The following MYO1C variants were observed in gnomAD, a reference collection of about 807,000 sequenced individuals.
MYO1C encodes myosin IC.
MYO1C carries 104 observed loss-of-function variants against 150.8 expected under a neutral mutation model. The ratio of observed to expected loss-of-function variants is 0.69; its 90% CI spans 0.59 to 0.81. The LOEUF (loss-of-function observed/expected upper bound fraction) is 0.81, where lower values mean the gene tolerates loss of function less well. MYO1C is among the 30% of genes least tolerant of loss of function. MYO1C has a pLI of 0.00. For synonymous variants in MYO1C, 663 were observed against 579.9 expected (o/e 1.14, Z -2.06); for missense variants, 1,504 against 1,435.0 (o/e 1.05, Z -0.78).
chr17:1,484,419 A>G, intron 1 of MYO1C, 116 bp from the exon 2 acceptor site: 1 of 1,280,366 alleles, frequency 7.8e-7, no homozygotes, highest in East Asian at 2.5e-5. Context: ...CGGGCTAGAC[A>G]CGGGACATGA....
At position 1,478,053 on chromosome 17, in the gene MYO1C, G is replaced by A. The variant is rs767185630; in HGVS notation, c.1401+34C>T. 1.9e-6 allele frequency: 3 copies of A among 1,612,808 alleles called. No individual in the cohort carries two copies. In the South Asian group the frequency reaches 3.3e-5, roughly 18 times the overall value. Reference sequence around the variant, plus strand: ...GGGCCCCGATACCCAGGCTCCCCGTGGCCCACGGAGAGTGCCCCCAGGCTA... The same window carrying A: ...GGGCCCCGATACCCAGGCTCCCCGTAGCCCACGGAGAGTGCCCCCAGGCTA... On this transcript the variant is annotated intron_variant, in intron 12 of 31. Transcript: ENST00000648651. The surrounding 1 kb of genome is among the most constrained non-coding windows in gnomAD (Gnocchi z 6.3).
At chr17:1,484,078 G>T in intron 2 of MYO1C, 70 bp downstream of exon 2, 1 of 1,560,180 alleles carries the variant, frequency 6.4e-7, no homozygotes, top group Non-Finnish European at 8.8e-7. Context: ...GACCCTTGGT[G>T]TCTCTTTCCC....
rs757326792 is a variant in MYO1C, at chr17:1,468,259, G to A, written c.2754C>T (p.Pro918=). The change falls in exon 27 of 32, where the codon CCC becomes CCT. Residue 918 remains proline, a synonymous_variant. Transcript: ENST00000648651. ...PRVLQALGSE[P]IQYAVPVVKY... is the part of the protein sequence containing the mutation. ...GCTGCAGGCAGGCTCTTACCTGAAT[G>A]GGCTCAGAGCCCAAGGCCTGCAGCA... 5.6e-6 allele frequency: 9 copies of A among 1,613,492 alleles called. No homozygotes were observed. Among genetic ancestry groups the A allele is most frequent in the African/African-American group, 1.3e-5 (1 of 74,908 alleles).
rs898317638 is a variant in MYO1C at position 1,465,298 on chromosome 17, C to T, written c.*428G>A. On this transcript the variant is annotated 3_prime_UTR_variant, in exon 32 of 32. Transcript: ENST00000648651. ...CTGGCCAGGGAAGAGGGCACCAGAG[C>T]CCAGCCCACACAACCTCTCGGCTAC... is the stretch of plus-strand genomic sequence containing the variant. 2.6e-5 allele frequency: 4 copies of T among 155,576 alleles called. No individual in the cohort carries two copies. The highest frequency in any genetic ancestry group is 9.6e-5 in the African/African-American group (4 of 41,570). The allele number at this position is 155,576 out of a possible 1,614,324, so 9.6% of individuals were successfully genotyped here.
chr17:1,470,345 G>A lies in MYO1C; in HGVS notation c.2367-11C>T, dbSNP rs2074275255. ...AAGCCTCGGATGAGCCTGGGGTGGG[G>A]GGCCAGACAGGGTTGGGGGTGAGGG... On this transcript the variant is annotated splice_polypyrimidine_tract_variant and intron_variant, in intron 23 of 31. Transcript: ENST00000648651. The A allele has an allele frequency of 1.3e-6, 2 of 1,534,214 alleles. No homozygotes were observed. The highest frequency in any genetic ancestry group is 4.9e-5 in the East Asian group (2 of 40,874).
chr17:1,482,328 T>C, intron 5 of MYO1C, 150 bp downstream of exon 5: 1 of 754,976 alleles, frequency 1.3e-6, no homozygotes, highest in Non-Finnish European at 2.4e-6. Flanking sequence ...TCCCTGTTTA[T>C]TGTTTATCAC....
chr17:1,470,282 A>C lies in MYO1C; in HGVS notation c.2419T>G (p.Phe807Val). 6.3e-7 allele frequency: 1 copy of C among 1,576,278 alleles called. No individual in the cohort carries two copies. The highest frequency in any genetic ancestry group is 8.6e-7 in the Non-Finnish European group (1 of 1,165,682). ...GAGGTGCGCACATGGTCCAGGAAGA[A>C]GGCGTTCTCGGGGCAGCGGGGGGCG... The part of the protein sequence containing the change: ...RHAPRCPENA[F>V]FLDHVRTSFL... The change falls in exon 24 of 32, where the codon TTC becomes GTC. Residue 807 changes from phenylalanine to valine, a missense_variant. Coordinates refer to ENST00000648651, the MANE Select transcript of MYO1C (RefSeq NM_001080779.2).
chr17:1,484,283 A>C lies in MYO1C; in HGVS notation c.96T>G (p.Val32=), dbSNP rs753315783. The change falls in exon 2 of 32, where the codon GTT becomes GTG. Residue 32 remains valine, a synonymous_variant. Transcript: ENST00000648651. ...TGAGCGCACTCTCCATGGTCACCCG[A>C]ACCCCGTCACTGCCCAGGGCCTGCA... is the stretch of plus-strand genomic sequence containing the variant. ...PCKLALGSDG[V]RVTMESALTA... 38 of 1,611,024 alleles carry C rather than the reference A, an allele frequency of 2.4e-5. 1 individual carries two copies. The Admixed American group carries it at 6.2e-4, about 26-fold the overall frequency.
intron 21 of MYO1C, 67 bp from the exon 22 acceptor site, chr17:1,470,756 G>A: frequency 6.7e-7 from 1 of 1,497,298 alleles, no homozygotes; most frequent in South Asian, 1.2e-5. Flanking sequence ...GGTGCCGTGT[G>A]CGCTCCACGA....
In MYO1C at chr17:1,482,489, A is replaced by C. The variant is rs2074543228; in HGVS notation, c.616T>G (p.Phe206Val). 6.2e-7 allele frequency: 1 copy of C among 1,613,716 alleles called. No homozygotes were observed. Among genetic ancestry groups the C allele is most frequent in the East Asian group, 2.2e-5 (1 of 44,878 alleles). The change falls in exon 5 of 32, where the codon TTT (phenylalanine) becomes GTT (valine). Residue 206 changes from phenylalanine to valine, a missense_variant. Physicochemically the swap from Phe to Val is conservative, Grantham distance 50. Coordinates refer to ENST00000648651, the MANE Select transcript of MYO1C (RefSeq NM_001080779.2). ...CACATCCATGGTACCTTGAAGTCAA[A>C]CTGCACATCCATGTACTTCCCGAAC... ...SRFGKYMDVQ[F>V]DFKGAPVGGH...
In MYO1C at chr17:1,465,791, G is replaced by A. The variant is rs769561347; in HGVS notation, c.3166-39C>T. 1.8e-5 allele frequency: 23 copies of A among 1,311,350 alleles called. No individual in the cohort carries two copies. The South Asian group carries it at 6.1e-4, about 35-fold the overall frequency. 81.2% of individuals were successfully genotyped at this position (1,311,350 alleles called of 1,614,324 possible). A position where few individuals can be genotyped will look rare whatever the true frequency, so the allele number is the denominator to read the frequency against. On this transcript the variant is annotated intron_variant, in intron 31 of 31. Coordinates refer to ENST00000648651, the MANE Select transcript of MYO1C (RefSeq NM_001080779.2). ...GAGAGACGGCCAAGTGGTGAGGGGA[G>A]CAGACGGGGGCCCCGGTACTCAGAC...
chr17:1,482,087 C>T (rs2074534715), intron 5 of MYO1C, among the ~76,000 whole-genome samples: 1 of 152,078 alleles, frequency 6.6e-6, no homozygotes. Flanking sequence ...CACTCCGTAG[C>T]CCAAGCTGGA....
intron 5 of MYO1C, among the ~76,000 whole-genome samples, chr17:1,481,946 C>T (rs2074531991): frequency 6.6e-6 from 1 of 152,124 alleles, no homozygotes; most frequent in Admixed American, 6.6e-5. Context: ...TGTCCTGGAA[C>T]ACTTCCAGCA....
At position 1,484,409 on chromosome 17, in the gene MYO1C, C is replaced by G; in HGVS notation, c.76-106G>C. ...AGGGAACGTAGGGGCTTGTGGACTC[C>G]GGGCTAGACACGGGACATGAGCATG... On this transcript the variant is annotated intron_variant, in intron 1 of 31. Coordinates refer to ENST00000648651, the MANE Select transcript of MYO1C (RefSeq NM_001080779.2). 10 of 1,368,884 alleles carry G rather than the reference C, an allele frequency of 7.3e-6. 1 individual carries two copies. The South Asian group carries it at 9.7e-5, about 13-fold the overall frequency. The allele number at this position is 1,368,884 out of a possible 1,614,324, so 84.8% of individuals were successfully genotyped here.
chr17:1,485,844 C>T, intron 1 of MYO1C: 1 of 381,002 alleles, frequency 2.6e-6, no homozygotes, highest in Non-Finnish European at 3.6e-6. Context: ...AAGCGCGGGG[C>T]TTCCCCGGCC....
chr17:1,486,574 G>A (rs1391212009), intron 1 of MYO1C, among the ~76,000 whole-genome samples: 2 of 151,218 alleles, frequency 1.3e-5, no homozygotes, highest in Middle Eastern at 3.2e-3. Context: ...GGAGTTCAGT[G>A]GCGCGATCTC....
Position 1,469,619 on chromosome 17 carries a change from G to T in MYO1C, c.2527-5C>A. ...CTCCCGCAGAAGCTCTGAGGCCTAA[G>T]GGGAGGAGTGAGGTCAGAGGTCCTG... On this transcript the variant is annotated splice_region_variant and splice_polypyrimidine_tract_variant and intron_variant, in intron 24 of 31. Coordinates refer to ENST00000648651, the MANE Select transcript of MYO1C (RefSeq NM_001080779.2). 3 of 1,608,446 alleles carry T rather than the reference G, an allele frequency of 1.9e-6. No homozygotes were observed. The highest frequency in any genetic ancestry group is 2.6e-6 in the Non-Finnish European group (3 of 1,176,408).
intron 1 of MYO1C, chr17:1,485,817 C>T (rs1034623135): frequency 6.5e-5 from 43 of 656,634 alleles, no homozygotes; most frequent in Non-Finnish European, 8.0e-5. Context: ...CCCGCACCGC[C>T]CCCACCCGGG....
chr17:1,484,808 G>A (rs974243959), intron 1 of MYO1C, among the ~76,000 whole-genome samples: 19 of 152,190 alleles, frequency 1.2e-4, no homozygotes, highest in Non-Finnish European at 2.5e-4. Flanking sequence ...TGAGCCACGT[G>A]TGACAGGTGC....
Sources: gnomAD v4.1 joint callset for allele counts (sites outside exome capture counted in the v4.1 genomes callset) on GRCh38, gnomAD v4.1.1 for gene constraint, Gnocchi (gnomAD v3.1) non-coding constraint, MANE v1.5 for transcripts, NCBI Gene and HGNC (gene_info 2026-07-23, HGNC 2026-07-21) for gene names.